The following ATP9B variants were observed in gnomAD, a reference collection of about 807,000 sequenced individuals.
ATP9B encodes probable phospholipid-transporting ATPase IIB.
In ATP9B, 110 loss-of-function variants were observed where a neutral mutation model predicts 146.1. The ratio of observed to expected loss-of-function variants is 0.75; its 90% CI spans 0.65 to 0.88. The LOEUF (loss-of-function observed/expected upper bound fraction) is 0.88, where lower values mean the gene tolerates loss of function less well. Ranked by LOEUF, ATP9B falls within the 40% of genes least tolerant of loss-of-function variation. The pLI is 0.00. For missense variants in ATP9B, 1,499 were observed against 1,496.4 expected (o/e 1.00, Z -0.03); for synonymous variants, 604 against 569.7 (o/e 1.06, Z -0.86).
chr18:79,324,381 A>G (rs2096732898), intron 15 of ATP9B, among the ~76,000 whole-genome samples: 1 of 152,190 alleles, frequency 6.6e-6, no homozygotes. Flanking sequence ...GTCTTTGCCC[A>G]GACCAAAGTG....
intron 5 of ATP9B, among the ~76,000 whole-genome samples, chr18:79,127,245 T>C (rs2094302335): frequency 6.6e-6 from 1 of 152,210 alleles, no homozygotes; most frequent in Non-Finnish European, 1.5e-5. Flanking sequence ...TTCAGTGTTT[T>C]TGGTGTATTC....
At chr18:79,336,463 T>C (rs1000477340) in intron 17 of ATP9B, among the ~76,000 whole-genome samples, 165 bp from the exon 18 acceptor site, 1 of 152,164 alleles carries the variant, frequency 6.6e-6, no homozygotes, top group African/African-American at 2.4e-5. Flanking sequence ...ATGCATTGTA[T>C]GTAAAGGTGT....
intron 11 of ATP9B, among the ~76,000 whole-genome samples, chr18:79,214,586 A>G (rs1336856182): frequency 6.6e-6 from 1 of 152,248 alleles, no homozygotes; most frequent in Non-Finnish European, 1.5e-5. Flanking sequence ...AAATCATAAC[A>G]AAAAGTCTGA....
At chr18:79,234,559 C>A (rs1292982893) in intron 11 of ATP9B, among the ~76,000 whole-genome samples, 2 of 151,684 alleles carry the variant, frequency 1.3e-5, no homozygotes, top group East Asian at 3.9e-4. Context: ...TTGCTGCGGG[C>A]GTGCTGCTGT....
chr18:79,320,929 G>T (rs1379137280), intron 15 of ATP9B, among the ~76,000 whole-genome samples: 1 of 152,174 alleles, frequency 6.6e-6, no homozygotes, highest in African/African-American at 2.4e-5. Flanking sequence ...CGGGGAGGGA[G>T]CTTACATACT....
At chr18:79,260,309 A>G (rs900484193) in intron 12 of ATP9B, among the ~76,000 whole-genome samples, 3 of 152,172 alleles carry the variant, frequency 2.0e-5, no homozygotes, top group Admixed American at 6.5e-5. Context: ...ACACTCATCA[A>G]ACCATCAGAA....
intron 15 of ATP9B, among the ~76,000 whole-genome samples, chr18:79,317,002 T>C (rs1298063907): frequency 6.6e-6 from 1 of 152,222 alleles, no homozygotes; most frequent in Admixed American, 6.5e-5. Flanking sequence ...ACAGCTCAAA[T>C]GCTTATGTTT....
intron 6 of ATP9B, chr18:79,146,710 G>A (rs925442710): frequency 1.0e-5 from 2 of 194,036 alleles, no homozygotes; most frequent in African/African-American, 2.4e-5. Context: ...ACGTGAGTAC[G>A]CAGGACACCT....
At chr18:79,233,260 C>T (rs983830770) in intron 11 of ATP9B, among the ~76,000 whole-genome samples, 1 of 152,076 alleles carries the variant, frequency 6.6e-6, no homozygotes, top group African/African-American at 2.4e-5. Context: ...CCACTGCACT[C>T]CACCTGGGCA....
At chr18:79,221,340 G>A (rs2095674945) in intron 11 of ATP9B, among the ~76,000 whole-genome samples, 1 of 152,206 alleles carries the variant, frequency 6.6e-6, no homozygotes, top group African/African-American at 2.4e-5. Flanking sequence ...GCCTCCTGCA[G>A]CCATCTGCTT....
intron 7 of ATP9B, among the ~76,000 whole-genome samples, chr18:79,164,596 G>C (rs766879799): frequency 6.6e-6 from 1 of 152,144 alleles, no homozygotes; most frequent in African/African-American, 2.4e-5. Context: ...GCGGGCGCCT[G>C]TAGTCCCAGC....
chr18:79,118,384 G>GTT lies in ATP9B; in HGVS notation c.558+5034_558+5035dup, dbSNP rs1304879263. Reference sequence around the variant, plus strand: ...ATTTTAAAACACAATCATATTGAACGTTTTTGTTTTTTTTTTTTTTTTTTT... The same window carrying GTT: ...ATTTTAAAACACAATCATATTGAACGTTTTTTTGTTTTTTTTTTTTTTTTTTT... On this transcript the variant is annotated intron_variant, in intron 4 of 29. Transcript: ENST00000426216. Among the ~76,000 whole-genome samples, 244 of 73,468 alleles carry GTT rather than the reference G, an allele frequency of 3.3e-3. 20 individuals carry two copies. The highest frequency in any genetic ancestry group is 9.3e-3 in the African/African-American group (174 of 18,676). The allele number at this position is 73,468 out of a possible 152,430, so 48.2% of individuals were successfully genotyped here.
chr18:79,101,976 C>T (rs2075312406), intron 2 of ATP9B, among the ~76,000 whole-genome samples: 1 of 151,898 alleles, frequency 6.6e-6, no homozygotes, highest in Admixed American at 6.6e-5. Context: ...GACGGAGTCT[C>T]GCTCTGTCAC....
intron 11 of ATP9B, among the ~76,000 whole-genome samples, chr18:79,236,309 A>G (rs1400658129): frequency 6.6e-6 from 1 of 152,110 alleles, no homozygotes; most frequent in East Asian, 1.9e-4. Context: ...ATTTCCTATG[A>G]AAGTCGTAGC....
At chr18:79,125,404 C>T (rs2147179299) in intron 4 of ATP9B, among the ~76,000 whole-genome samples, 3 of 152,226 alleles carry the variant, frequency 2.0e-5, no homozygotes, top group Admixed American at 2.0e-4. Flanking sequence ...AGAAAAATAC[C>T]ATTTCAGTAA....
At chr18:79,113,690 G>T (rs1378353318) in intron 4 of ATP9B, among the ~76,000 whole-genome samples, 3 of 152,174 alleles carry the variant, frequency 2.0e-5, no homozygotes, top group Admixed American at 2.0e-4. Context: ...GGGGGCTGGG[G>T]CTGTGGGTCT....
intron 7 of ATP9B, among the ~76,000 whole-genome samples, chr18:79,171,527 A>G (rs2095070178): frequency 6.6e-6 from 1 of 152,152 alleles, no homozygotes; most frequent in Admixed American, 6.5e-5. Context: ...GAAGTTGCAA[A>G]GGTAGTACAG....
chr18:79,175,373 G>A (rs2147928351), intron 7 of ATP9B, among the ~76,000 whole-genome samples: 1 of 152,186 alleles, frequency 6.6e-6, no homozygotes, highest in East Asian at 1.9e-4. Context: ...AAATGTATCT[G>A]GTTTTAAAGT....
At chr18:79,223,557 T>C (rs969019363) in intron 11 of ATP9B, among the ~76,000 whole-genome samples, 1 of 152,128 alleles carries the variant, frequency 6.6e-6, no homozygotes, top group African/African-American at 2.4e-5. Flanking sequence ...ATAACTGTTG[T>C]TAATATTCAC....
Sources: allele counts gnomAD v4.1 joint callset (sites outside exome capture counted in the v4.1 genomes callset), GRCh38; gene constraint gnomAD v4.1.1; transcripts MANE v1.5; gene names NCBI Gene and HGNC (gene_info 2026-07-23, HGNC 2026-07-21).